Variants in SULT6B1 observed in about 807,000 individuals in gnomAD.
SULT6B1 encodes the protein sulfotransferase family 6B member 1.
In SULT6B1, 44 loss-of-function variants were observed where a neutral mutation model predicts 37.2. The observed-to-expected ratio is 1.18, with a 90% confidence interval of 0.93 to 1.52. SULT6B1 has a LOEUF of 1.52. Among genes scored for constraint, SULT6B1 ranks in the 40% most tolerant of loss-of-function variants. The pLI is 0.00. For missense variants in SULT6B1, 450 were observed against 361.0 expected (o/e 1.25, Z -2.00); for synonymous variants, 140 against 126.0 (o/e 1.11, Z -0.74).
At chr2:37,183,914 G>A (rs191489110) in intron 2 of SULT6B1, among the ~76,000 whole-genome samples, 4 of 152,142 alleles carry the variant, frequency 2.6e-5, no homozygotes, top group Non-Finnish European at 4.4e-5. Flanking sequence ...AAAGTGCTGC[G>A]ATTACAGGCG....
upstream of SULT6B1, among the ~76,000 whole-genome samples, chr2:37,193,017 T>C (rs192714859): frequency 6.6e-6 from 1 of 152,310 alleles, no homozygotes; most frequent in East Asian, 1.9e-4. Flanking sequence ...TGAGTCCAGG[T>C]GGGTCTCATG....
At chr2:37,189,446 A>G (rs1344239090), upstream of SULT6B1, among the ~76,000 whole-genome samples, 1 of 152,216 alleles carries the variant, frequency 6.6e-6, no homozygotes, top group Non-Finnish European at 1.5e-5. Context: ...AAGACACCCA[A>G]GTGGATGACT....
At chr2:37,172,703 T>G (rs1479336940) in intron 5 of SULT6B1, among the ~76,000 whole-genome samples, 1 of 152,036 alleles carries the variant, frequency 6.6e-6, no homozygotes, top group Non-Finnish European at 1.5e-5. Context: ...AAACAGGGTT[T>G]CACCATGTTG....
At position 37,179,495 on chromosome 2, in the gene SULT6B1, A is replaced by G. The variant is rs774645335; in HGVS notation, c.492T>C (p.Ser164=). The G allele has an allele frequency of 1.2e-5, 19 of 1,614,094 alleles. No individual in the cohort carries two copies. Among genetic ancestry groups the G allele is most frequent in the South Asian group, 4.4e-5 (4 of 91,064 alleles). The change falls in exon 4 of 7, where the codon TCT becomes TCC. Residue 164 remains serine (S), a synonymous_variant. Transcript: ENST00000535679. ...TGAACTGTCTGAAGAATTCATCCCA[A>G]GAGCCATAGCTTGGAATATCGGGGA... is the stretch of plus-strand genomic sequence containing the variant. ...NDVPDIPSYG[S]WDEFFRQFMK...
At chr2:37,168,227 T>C (rs370201517) in intron 6 of SULT6B1, among the ~76,000 whole-genome samples, 162 bp from the exon 7 acceptor site, 126 of 152,208 alleles carry the variant, frequency 8.3e-4, no homozygotes, top group African/African-American at 2.8e-3. Context: ...TCTCGCTCTG[T>C]TGCCCAGGCT....
chr2:37,168,419 A>G (rs1676226521), intron 6 of SULT6B1, among the ~76,000 whole-genome samples: 1 of 152,112 alleles, frequency 6.6e-6, no homozygotes, highest in South Asian at 2.1e-4. Context: ...CGGCCTCCCA[A>G]AGTGCTAGGT....
chr2:37,178,192 G>A (rs1030557083), intron 4 of SULT6B1, among the ~76,000 whole-genome samples: 1 of 152,074 alleles, frequency 6.6e-6, no homozygotes, highest in African/African-American at 2.4e-5. Flanking sequence ...TTACAGGCAT[G>A]AGACACCATG....
chr2:37,170,987 C>T (rs1331583168), intron 6 of SULT6B1, among the ~76,000 whole-genome samples: 1 of 152,100 alleles, frequency 6.6e-6, no homozygotes, highest in African/African-American at 2.4e-5. Context: ...GCCTGTAATC[C>T]CAGCACTTCG....
chr2:37,193,409 C>A (rs1676821381), upstream of SULT6B1, among the ~76,000 whole-genome samples: 1 of 151,730 alleles, frequency 6.6e-6, no homozygotes, highest in Non-Finnish European at 1.5e-5. Flanking sequence ...TTGTAGTGAG[C>A]TGAGATCGTG....
chr2:37,188,454 A>G lies in SULT6B1; in HGVS notation c.187T>C (p.Tyr63His). ...ARHDDIVLASYPKCGSNWILH... is the reference protein window; with the variant it reads ...ARHDDIVLASHPKCGSNWILH... Reference sequence around the variant, plus strand: ...ACTTGTCATTTACCGCACTTTGGATAAGATGCTAGCACGATGTCATCATGT... The same window carrying G: ...ACTTGTCATTTACCGCACTTTGGATGAGATGCTAGCACGATGTCATCATGT... The change falls in exon 1 of 7, where the codon TAT (tyrosine) becomes CAT (histidine). Residue 63 changes from tyrosine to histidine, a missense_variant. Coordinates refer to ENST00000535679, the MANE Select transcript of SULT6B1 (RefSeq NM_001367551.1). The G allele has an allele frequency of 6.2e-7, 1 of 1,612,996 alleles. No homozygotes were observed.
intron 2 of SULT6B1, among the ~76,000 whole-genome samples, chr2:37,185,512 T>A (rs527698119): frequency 2.0e-5 from 3 of 151,700 alleles, no homozygotes; most frequent in Admixed American, 6.6e-5. Flanking sequence ...AGGTCAGGAG[T>A]TTGAGAGTAG....
At chr2:37,194,434 G>A (rs534605253) in intron 1 of SULT6B1, 109 of 435,994 alleles carry the variant, frequency 2.5e-4, no homozygotes, top group African/African-American at 2.2e-3. Context: ...TCAAAGTACA[G>A]AGCTTATTTG....
At chr2:37,175,486 T>G (rs1676406155) in intron 4 of SULT6B1, among the ~76,000 whole-genome samples, 1 of 152,132 alleles carries the variant, frequency 6.6e-6, no homozygotes, top group African/African-American at 2.4e-5. Context: ...ATAAAAACTA[T>G]AAGACATTCA....
At position 37,167,901 on chromosome 2, in the gene SULT6B1, G is replaced by A; in HGVS notation, c.*34C>T. 6.6e-7 allele frequency: 1 copy of A among 1,513,470 alleles called. No individual in the cohort carries two copies. The highest frequency in any genetic ancestry group is 8.8e-7 in the Non-Finnish European group (1 of 1,140,160). 93.8% of individuals were successfully genotyped at this position (1,513,470 alleles called of 1,614,324 possible). The stretch of plus-strand genomic sequence containing the variant: ...TTATTTACACTTAATTATTATTAAG[G>A]AAAATAAATCTAGGCCTGCTGAATT... On this transcript the variant is annotated 3_prime_UTR_variant, in exon 7 of 7. Transcript: ENST00000535679.
At chr2:37,179,731 A>G (rs1242582112) in intron 3 of SULT6B1, 147 bp from the exon 4 acceptor site, 3 of 664,714 alleles carry the variant, frequency 4.5e-6, no homozygotes. Context: ...AAACTGAGGA[A>G]CAGGAGGTGG....
intron 5 of SULT6B1, among the ~76,000 whole-genome samples, chr2:37,172,294 A>G (rs112445428): frequency 1.1e-3 from 172 of 152,160 alleles, no homozygotes; most frequent in African/African-American, 3.9e-3. Context: ...ACCAGTGCAT[A>G]ATGTGAATCT....
rs189427123 is a variant in SULT6B1 at position 37,171,479 on chromosome 2, A to C, written c.736T>G (p.Ser246Ala). The C allele has an allele frequency of 1.1e-5, 17 of 1,614,172 alleles. No homozygotes were observed. In the Admixed American group the frequency reaches 2.7e-4, roughly 25 times the overall value. Reference protein sequence around the residue: ...QSTFQAMRAKSQDTHGAVGPF... With the variant: ...QSTFQAMRAKAQDTHGAVGPF... ...CCGACAGCACCGTGTGTGTCCTGAG[A>C]CTTCGCACGCATGGCTTGGAAGGTG... The change falls in exon 6 of 7, where the codon TCT becomes GCT. Residue 246 changes from serine to alanine, a missense_variant. Coordinates refer to ENST00000535679, the MANE Select transcript of SULT6B1 (RefSeq NM_001367551.1).
At chr2:37,190,067 T>G (rs988326495), upstream of SULT6B1, 1 of 152,244 alleles carries the variant, frequency 6.6e-6, no homozygotes, top group African/African-American at 2.4e-5. Context: ...TGAAAGAGCA[T>G]AATTGTTCAT....
chr2:37,189,215 G>T (rs1043106562), upstream of SULT6B1, among the ~76,000 whole-genome samples: 1 of 152,186 alleles, frequency 6.6e-6, no homozygotes, highest in African/African-American at 2.4e-5. Context: ...GTTACTCTGA[G>T]CTAATGATAA....
Sources: allele counts gnomAD v4.1 joint callset (sites outside exome capture counted in the v4.1 genomes callset), GRCh38; gene constraint gnomAD v4.1.1; transcripts MANE v1.5; gene names NCBI Gene and HGNC (gene_info 2026-07-23, HGNC 2026-07-21).